Variants in ITPR2 observed in about 807,000 individuals in gnomAD.
ITPR2 encodes inositol 1,4,5-trisphosphate receptor type 2.
Under a neutral mutation model 317.1 loss-of-function variants are expected in ITPR2, and 207 were observed. The observed-to-expected ratio is 0.65, with a 90% CI of 0.58 to 0.73. The LOEUF is 0.73. Ranked by LOEUF, ITPR2 falls within the 30% of genes least tolerant of loss-of-function variation. The pLI is 0.00. For missense variants in ITPR2, 2,613 were observed against 3,284.0 expected (o/e 0.80, Z 4.99); for synonymous variants, 1,156 against 1,149.1 (o/e 1.01, Z -0.12).
At chr12:26,380,269 G>A (rs1181241124) in intron 55 of ITPR2, among the ~76,000 whole-genome samples, 6 of 152,174 alleles carry the variant, frequency 3.9e-5, no homozygotes, top group African/African-American at 1.4e-4. Flanking sequence ...AAGAGGAATA[G>A]AAAGATGTTA....
intron 1 of ITPR2, among the ~76,000 whole-genome samples, chr12:26,794,290 C>T (rs993428958): frequency 1.9e-4 from 29 of 152,070 alleles, no homozygotes; most frequent in Admixed American, 5.2e-4. Flanking sequence ...GAAAAAGTTA[C>T]GTTTATGCAT....
At chr12:26,522,969 G>A (rs147922926) in intron 37 of ITPR2, among the ~76,000 whole-genome samples, 2,715 of 152,258 alleles carry the variant, frequency 0.018, 47 homozygotes, top group Middle Eastern at 0.034. Context: ...ATAACATTTC[G>A]ATGCCTTGGG....
intron 25 of ITPR2, 70 bp from the exon 26 acceptor site, chr12:26,621,366 T>C: frequency 8.3e-7 from 1 of 1,199,202 alleles, no homozygotes; most frequent in Non-Finnish European, 1.2e-6. Flanking sequence ...ATTTTAGATG[T>C]ATATTGACCA....
chr12:26,769,008 C>CACACACACAT (rs1415173352), intron 2 of ITPR2, among the ~76,000 whole-genome samples: 6 of 151,600 alleles, frequency 4.0e-5, no homozygotes, highest in Non-Finnish European at 5.9e-5. Context: ...CACACACACA[C>CACACACACAT]ACACACACAC....
chr12:26,351,988 T>C (rs980167761), intron 55 of ITPR2, among the ~76,000 whole-genome samples: 1 of 152,040 alleles, frequency 6.6e-6, no homozygotes, highest in Non-Finnish European at 1.5e-5. Flanking sequence ...GGGAAAACAT[T>C]TGGAATAGGG....
rs555114596 is a variant in ITPR2, at chr12:26,807,903, C to G, written c.93-17676G>C. ...CAACTCTTAAACATGGCATGAAGAA[C>G]CAAAGGAAGTCCTCCACCACCCAAG... is the stretch of plus-strand genomic sequence containing the variant. On this transcript the variant is annotated intron_variant, in intron 1 of 56. Coordinates refer to ENST00000381340, the MANE Select transcript of ITPR2 (RefSeq NM_002223.4). Among the ~76,000 whole-genome samples, 7 of 152,260 alleles carry G rather than the reference C, an allele frequency of 4.6e-5. No homozygotes were observed. The East Asian group carries it at 1.4e-3, about 29-fold the overall frequency.
chr12:26,785,117 G>A (rs1592128988), intron 2 of ITPR2, among the ~76,000 whole-genome samples: 1 of 43,350 alleles, frequency 2.3e-5, no homozygotes, highest in South Asian at 1.3e-3. Context: ...CAGCCACCCC[G>A]TCTGGGAAGT....
At chr12:26,362,257 A>C (rs1321014783) in intron 55 of ITPR2, among the ~76,000 whole-genome samples, 1 of 152,212 alleles carries the variant, frequency 6.6e-6, no homozygotes, top group Non-Finnish European at 1.5e-5. Context: ...AGAGGTGGGC[A>C]CTAGCAATTT....
intron 32 of ITPR2, among the ~76,000 whole-genome samples, chr12:26,593,443 T>C (rs889763844): frequency 2.0e-5 from 3 of 152,234 alleles, no homozygotes; most frequent in Non-Finnish European, 4.4e-5. Context: ...TGATCTTTCT[T>C]CATGGGGAGA....
At chr12:26,433,168 A>G (rs1044340881) in intron 48 of ITPR2, among the ~76,000 whole-genome samples, 1 of 152,212 alleles carries the variant, frequency 6.6e-6, no homozygotes, top group African/African-American at 2.4e-5. Flanking sequence ...CTATAACCAG[A>G]TGACCCAGAC....
intron 2 of ITPR2, among the ~76,000 whole-genome samples, chr12:26,786,900 T>G (rs939003663): frequency 1.3e-5 from 2 of 152,236 alleles, no homozygotes; most frequent in African/African-American, 4.8e-5. Flanking sequence ...TTTCTTCACC[T>G]TATCTAAAAA....
chr12:26,605,126 A>AATATATATATATATATATATATATATAT (rs71069256), intron 26 of ITPR2, among the ~76,000 whole-genome samples: 2 of 136,322 alleles, frequency 1.5e-5, no homozygotes, highest in Admixed American at 1.5e-4. Context: ...AAAAAATAAA[A>AATATATATATATATATATATATATATAT]ATATATATAT....
At chr12:26,412,643 A>T (rs1229613737) in intron 51 of ITPR2, among the ~76,000 whole-genome samples, 1 of 152,186 alleles carries the variant, frequency 6.6e-6, no homozygotes, top group Non-Finnish European at 1.5e-5. Context: ...AATGTAATAC[A>T]TTAGAGGAGG....
At chr12:26,477,093 T>A in intron 43 of ITPR2, 86 bp from the exon 44 acceptor site, 5 of 800,612 alleles carry the variant, frequency 6.2e-6, no homozygotes, top group Non-Finnish European at 1.0e-5. Context: ...TTGAGATTAC[T>A]AGGACCTTTT....
chr12:26,631,435 T>A (rs1272895683), intron 22 of ITPR2, among the ~76,000 whole-genome samples: 2 of 152,234 alleles, frequency 1.3e-5, no homozygotes, highest in Admixed American at 6.5e-5. Flanking sequence ...ATTTTATTTG[T>A]CTTTCTTGCT....
chr12:26,513,077 G>A (rs544220789), intron 37 of ITPR2, among the ~76,000 whole-genome samples: 9 of 152,078 alleles, frequency 5.9e-5, no homozygotes, highest in African/African-American at 9.6e-5. Flanking sequence ...TCCTGACCTC[G>A]TGATCCACCC....
intron 54 of ITPR2, among the ~76,000 whole-genome samples, chr12:26,387,882 T>A (rs894613857): frequency 6.6e-6 from 1 of 152,068 alleles, no homozygotes; most frequent in Non-Finnish European, 1.5e-5. Flanking sequence ...TACAGCCATA[T>A]CAAAATTTTC....
chr12:26,345,847 G>A (rs574228283), intron 55 of ITPR2, among the ~76,000 whole-genome samples: 2 of 151,852 alleles, frequency 1.3e-5, no homozygotes, highest in Admixed American at 1.3e-4. Flanking sequence ...TCTCCATGTC[G>A]ACTTGTAATA....
At chr12:26,448,859 A>G (rs916777171) in intron 45 of ITPR2, among the ~76,000 whole-genome samples, 1 of 152,234 alleles carries the variant, frequency 6.6e-6, no homozygotes, top group African/African-American at 2.4e-5. Flanking sequence ...TAGACAGCAC[A>G]TAAGTGCAAA....
Sources: gnomAD v4.1 joint callset for allele counts (sites outside exome capture counted in the v4.1 genomes callset) on GRCh38, gnomAD v4.1.1 for gene constraint, MANE v1.5 for transcripts, NCBI Gene and HGNC (gene_info 2026-07-23, HGNC 2026-07-21) for gene names.